The following C4orf54 variants were observed in gnomAD, a reference collection of about 807,000 sequenced individuals.
The protein encoded by C4orf54 is uncharacterized protein C4orf54.
C4orf54 carries 67 observed loss-of-function variants against 80.1 expected under a neutral mutation model. The ratio of observed to expected loss-of-function variants is 0.84; its 90% CI spans 0.69 to 1.03. The LOEUF (loss-of-function observed/expected upper bound fraction) is 1.03. Ranked by LOEUF, C4orf54 falls within the 50% of genes least tolerant of loss-of-function variation. The pLI is 0.00. For missense variants in C4orf54, 2,434 were observed against 2,253.5 expected (o/e 1.08, Z -1.62); for synonymous variants, 1,000 against 917.0 (o/e 1.09, Z -1.64).
chr4:99,646,469 C>T (rs1726702962), intron 2 of C4orf54, among the ~76,000 whole-genome samples: 1 of 152,174 alleles, frequency 6.6e-6, no homozygotes. Flanking sequence ...TCCCAGGTGT[C>T]CTTGCTGCCA....
chr4:99,649,748 C>G lies in C4orf54; in HGVS notation c.4901G>C (p.Arg1634Thr). The change falls in exon 2 of 3, where the codon AGA (arginine) becomes ACA (threonine). Residue 1634 changes from arginine to threonine, a missense_variant. Transcript: ENST00000511828. Reference protein sequence around the residue: ...VDTPVQPMTRRLFDPETGQYV... With the variant: ...VDTPVQPMTRTLFDPETGQYV... ...CTGCCCTGTCTCAGGGTCAAACAGT[C>G]TCCGGGTCATGGGCTGTACTGGTGT... 2.0e-6 allele frequency: 3 copies of G among 1,536,202 alleles called. No homozygotes were observed. Among genetic ancestry groups the G allele is most frequent in the Non-Finnish European group, 2.6e-6 (3 of 1,146,912 alleles).
Position 99,653,765 on chromosome 4 carries a change from G to A in C4orf54, c.884C>T (p.Ala295Val), listed in dbSNP as rs2110257341. 1 of 1,536,098 alleles carries A rather than the reference G, an allele frequency of 6.5e-7. No homozygotes were observed. Among genetic ancestry groups the A allele is most frequent in the Non-Finnish European group, 8.7e-7 (1 of 1,146,918 alleles). Residue 295 changes from alanine to valine, a missense_variant, in exon 2 of 3, where the codon GCT becomes GTT. By Grantham distance (64) the Ala-to-Val change is moderately conservative. Coordinates refer to ENST00000511828, the MANE Select transcript of C4orf54 (RefSeq NM_001354435.2). ...TAAGGATGAAGAGGAGGTGGCCAGA[G>A]CCCCTGTGGATGTGGTGGAGTCCTC... ...KMEDSTTSTG[A>V]LATSSSSLGF...
At position 99,637,956 on chromosome 4, in the gene C4orf54, C is replaced by T. The variant is rs566937570; in HGVS notation, c.*3277G>A. On this transcript the variant is annotated 3_prime_UTR_variant, in exon 3 of 3. Transcript: ENST00000511828. ...ATCAATACTGTCCTGTCCTGCAGTCCAAAGTATTATTTCAGGTAACGTGAG... is the reference window on the plus strand; with the variant it reads ...ATCAATACTGTCCTGTCCTGCAGTCTAAAGTATTATTTCAGGTAACGTGAG... 5.9e-5 allele frequency: 9 copies of T among 152,138 alleles called. No homozygotes were observed. In the East Asian group the frequency reaches 1.4e-3, roughly 23 times the overall value. The allele number at this position is 152,138 out of a possible 1,614,324, so 9.4% of individuals were successfully genotyped here.
chr4:99,655,104 T>C (rs1171802153), intron 1 of C4orf54, among the ~76,000 whole-genome samples: 2 of 152,190 alleles, frequency 1.3e-5, no homozygotes, highest in Non-Finnish European at 2.9e-5. Context: ...CAGATGAGTT[T>C]TGGTAGTAAA....
At position 99,651,543 on chromosome 4, in the gene C4orf54, C is replaced by A; in HGVS notation, c.3106G>T (p.Val1036Leu). 3 of 1,536,166 alleles carry A rather than the reference C, an allele frequency of 2.0e-6. No homozygotes were observed. Among genetic ancestry groups the A allele is most frequent in the Non-Finnish European group, 2.6e-6 (3 of 1,146,918 alleles). ...APEIKIRLGS[V>L]QQPSSDFNIA... ...TTGAAGTCTGAGCTCGGCTGCTGCACACTCCCCAGCCGGATCTTGATTTCG... is the reference window on the plus strand; with the variant it reads ...TTGAAGTCTGAGCTCGGCTGCTGCAAACTCCCCAGCCGGATCTTGATTTCG... Residue 1036 changes from valine to leucine, a missense_variant, in exon 2 of 3, where the codon GTG becomes TTG. Val to Leu is a conservative substitution (Grantham distance 32). Coordinates refer to ENST00000511828, the MANE Select transcript of C4orf54 (RefSeq NM_001354435.2).
At chr4:99,648,346 A>T (rs1405945175) in intron 2 of C4orf54, among the ~76,000 whole-genome samples, 1 of 152,142 alleles carries the variant, frequency 6.6e-6, no homozygotes, top group Non-Finnish European at 1.5e-5. Context: ...TCAGGAATCT[A>T]TTTACCCTGA....
In C4orf54 at chr4:99,651,701, T is replaced by C. The variant is rs746392089; in HGVS notation, c.2948A>G (p.Lys983Arg). The C allele has an allele frequency of 7.8e-6, 12 of 1,535,968 alleles. No individual in the cohort carries two copies. The Admixed American group carries it at 7.8e-5, about 10-fold the overall frequency. ...RADLGEISAS[K>R]NTIMSRLFVP... The stretch of plus-strand genomic sequence containing the variant: ...AAAGAGGCGAGACATGATGGTGTTC[T>C]TGCTGGCAGAAATCTCCCCGAGATC... The change falls in exon 2 of 3, where the codon AAG becomes AGG. Residue 983 changes from lysine to arginine, a missense_variant. Lys to Arg is a conservative substitution (Grantham distance 26, BLOSUM62 2). Transcript: ENST00000511828.
At position 99,640,990 on chromosome 4, in the gene C4orf54, A is replaced by G. The variant is rs1054102101; in HGVS notation, c.*243T>C. 20 of 152,290 alleles carry G rather than the reference A, an allele frequency of 1.3e-4. No homozygotes were observed. The highest frequency in any genetic ancestry group is 4.6e-4 in the African/African-American group (19 of 41,572). The allele number at this position is 152,290 out of a possible 1,614,324, so 9.4% of individuals were successfully genotyped here. On this transcript the variant is annotated 3_prime_UTR_variant, in exon 3 of 3. Coordinates refer to ENST00000511828, the MANE Select transcript of C4orf54 (RefSeq NM_001354435.2). ...AATAGTCATAAAGGGAAAAAATGCAACCATTCAATCAACTTAATAAAATTA... is the reference window on the plus strand; with the variant it reads ...AATAGTCATAAAGGGAAAAAATGCAGCCATTCAATCAACTTAATAAAATTA...
intron 2 of C4orf54, among the ~76,000 whole-genome samples, chr4:99,644,613 A>C (rs1464529805): frequency 6.6e-6 from 1 of 152,108 alleles, no homozygotes; most frequent in Non-Finnish European, 1.5e-5. Flanking sequence ...GCCTGCATGC[A>C]CCGGAGCAGC....
intron 1 of C4orf54, among the ~76,000 whole-genome samples, chr4:99,656,365 T>G (rs1726978043): frequency 2.0e-5 from 3 of 151,932 alleles, no homozygotes; most frequent in Non-Finnish European, 4.4e-5. Context: ...ATGCAACCTC[T>G]GCCTCTCGGG....
Position 99,650,387 on chromosome 4 carries a change from G to A in C4orf54, c.4262C>T (p.Pro1421Leu), listed in dbSNP as rs549982534. 8.5e-6 allele frequency: 13 copies of A among 1,535,946 alleles called. No individual in the cohort carries two copies. The highest frequency in any genetic ancestry group is 2.4e-5 in the South Asian group (2 of 84,064). ...VAGKFPQGPS[P>L]ESPSAAKGIK... ...GCCCTTAGCTGCTGAAGGACTCTCC[G>A]GAGAAGGCCCTTGTGGGAACTTGCC... The change falls in exon 2 of 3, where the codon CCG (proline) becomes CTG (leucine). Residue 1421 changes from proline to leucine, a missense_variant. Pro to Leu is a moderately conservative substitution (Grantham distance 98, BLOSUM62 -3). Coordinates refer to ENST00000511828, the MANE Select transcript of C4orf54 (RefSeq NM_001354435.2).
chr4:99,649,943 A>G lies in C4orf54; in HGVS notation c.4706T>C (p.Leu1569Pro). Reference sequence around the variant, plus strand: ...GAGGACCTGAGGCTGGGCCCCCTGTAGGGTGAAGGGCAGCGGCGGCTGGTG... The same window carrying G: ...GAGGACCTGAGGCTGGGCCCCCTGTGGGGTGAAGGGCAGCGGCGGCTGGTG... ...IYHQPPLPFT[L>P]QGAQPQVLCF... Residue 1569 changes from leucine to proline, a missense_variant, in exon 2 of 3, where the codon CTA becomes CCA. By Grantham distance (98) the Leu-to-Pro change is moderately conservative. Transcript: ENST00000511828. 2.0e-6 allele frequency: 3 copies of G among 1,531,120 alleles called. No homozygotes were observed. Among genetic ancestry groups the G allele is most frequent in the Non-Finnish European group, 2.6e-6 (3 of 1,143,968 alleles). The allele number at this position is 1,531,120 out of a possible 1,614,324, so 94.8% of individuals were successfully genotyped here. A position where few individuals can be genotyped will look rare whatever the true frequency, so the allele number is the denominator to read the frequency against.
Position 99,652,985 on chromosome 4 carries a change from C to A in C4orf54, c.1664G>T (p.Arg555Leu). 1 of 1,536,160 alleles carries A rather than the reference C, an allele frequency of 6.5e-7. No homozygotes were observed. Among genetic ancestry groups the A allele is most frequent in the Non-Finnish European group, 8.7e-7 (1 of 1,146,920 alleles). The change falls in exon 2 of 3, where the codon CGC (arginine) becomes CTC (leucine). Residue 555 changes from arginine (R) to leucine (L), a missense_variant. Coordinates refer to ENST00000511828, the MANE Select transcript of C4orf54 (RefSeq NM_001354435.2). ...AAKHEGDMSL[R>L]VSTAAEHNSS... Reference sequence around the variant, plus strand: ...ATTGTGTTCAGCAGCTGTAGAGACGCGGAGGCTCATGTCGCCTTCATGCTT... The same window carrying A: ...ATTGTGTTCAGCAGCTGTAGAGACGAGGAGGCTCATGTCGCCTTCATGCTT...
In C4orf54 at chr4:99,652,858, G is replaced by T; in HGVS notation, c.1791C>A (p.Ile597=). The change falls in exon 2 of 3, where the codon ATC becomes ATA. Residue 597 remains isoleucine (I), a synonymous_variant. Transcript: ENST00000511828. The stretch of plus-strand genomic sequence containing the variant: ...AGTAGTCCACCAGCTCCTTCGCCCG[G>T]ATGGCCCCGCACCTGGTTTGCAGGC... ...PARLQTRCGA[I]RAKELVDYSS... 1 of 1,536,094 alleles carries T rather than the reference G, an allele frequency of 6.5e-7. No homozygotes were observed. Among genetic ancestry groups the T allele is most frequent in the Non-Finnish European group, 8.7e-7 (1 of 1,146,894 alleles).
In C4orf54 at chr4:99,650,887, C is replaced by T; in HGVS notation, c.3762G>A (p.Leu1254=). Residue 1254 remains leucine, a synonymous_variant, in exon 2 of 3, where the codon CTG becomes CTA. Coordinates refer to ENST00000511828, the MANE Select transcript of C4orf54 (RefSeq NM_001354435.2). ...ACCTCACGGCTGCAGTCAGCTTCTC[C>T]AGGGCATTCCGGGCTGGCTTCGTGG... is the stretch of plus-strand genomic sequence containing the variant. The part of the protein sequence containing the change: ...GKATKPARNA[L]EKLTAAVRSM... 5 of 1,536,202 alleles carry T rather than the reference C, an allele frequency of 3.3e-6. No individual in the cohort carries two copies. Among genetic ancestry groups the T allele is most frequent in the Non-Finnish European group, 4.4e-6 (5 of 1,146,920 alleles).
rs1169458550 is a variant in C4orf54 at position 99,652,657 on chromosome 4, G to A, written c.1992C>T (p.Phe664=). 1 of 1,536,068 alleles carries A rather than the reference G, an allele frequency of 6.5e-7. No individual in the cohort carries two copies. Among genetic ancestry groups the A allele is most frequent in the Admixed American group, 2.0e-5 (1 of 50,988 alleles). The change falls in exon 2 of 3, where the codon TTC becomes TTT. Residue 664 remains phenylalanine (F), a synonymous_variant. Transcript: ENST00000511828. ...CAACACCCCCACATTTTAAGTCCAG[G>A]AAAGTTGACCAGCGCCCAAAGCCCA... ...SEVGFGRWST[F]LDLKCGGVGA...
In C4orf54 at chr4:99,649,393, G is replaced by T; in HGVS notation, c.5256C>A (p.Ala1752=). The T allele has an allele frequency of 1.3e-6, 2 of 1,536,166 alleles. No homozygotes were observed. Among genetic ancestry groups the T allele is most frequent in the Non-Finnish European group, 1.7e-6 (2 of 1,146,920 alleles). The change falls in exon 2 of 3, where the codon GCC becomes GCA. Residue 1752 remains alanine (A), a synonymous_variant. Transcript: ENST00000511828. ...APAATSQLLG[A]KAFAQLHGKP... ...TGCCATGCAGCTGGGCAAAGGCCTT[G>T]GCCCCTAGGAGCTGGGATGTGGCTG...
In C4orf54 at chr4:99,654,314, G is replaced by T; in HGVS notation, c.335C>A (p.Ala112Glu). ...PVQIRGTLLR[A>E]TLQPLRGQRR... ...CTGGCCCCGGAGGGGCTGCAGAGTT[G>T]CCCGAAGCAGGGTCCCACGTATCTG... The change falls in exon 2 of 3, where the codon GCA becomes GAA. Residue 112 changes from alanine to glutamate, a missense_variant. Ala to Glu is a moderately radical substitution (Grantham distance 107, BLOSUM62 -1). Coordinates refer to ENST00000511828, the MANE Select transcript of C4orf54 (RefSeq NM_001354435.2). 2.0e-6 allele frequency: 3 copies of T among 1,509,082 alleles called. No homozygotes were observed. Among genetic ancestry groups the T allele is most frequent in the Non-Finnish European group, 2.7e-6 (3 of 1,122,308 alleles). 93.5% of individuals were successfully genotyped at this position (1,509,082 alleles called of 1,614,324 possible).
Position 99,651,323 on chromosome 4 carries a change from C to T in C4orf54, c.3326G>A (p.Arg1109Lys). ...ATCCCCTGACCCTTTAATTAGTTTC[C>T]TGACATCTCTCACCTGGTGGAGGGG... Reference protein sequence around the residue: ...QGPLHQVRDVRKLIKGSGDSS... With the variant: ...QGPLHQVRDVKKLIKGSGDSS... Residue 1109 changes from arginine to lysine, a missense_variant, in exon 2 of 3, where the codon AGG (arginine) becomes AAG (lysine). Arg to Lys is a conservative substitution (Grantham distance 26). Coordinates refer to ENST00000511828, the MANE Select transcript of C4orf54 (RefSeq NM_001354435.2). 6.5e-7 allele frequency: 1 copy of T among 1,536,160 alleles called. No individual in the cohort carries two copies. Among genetic ancestry groups the T allele is most frequent in the Non-Finnish European group, 8.7e-7 (1 of 1,146,924 alleles).
Sources: gnomAD v4.1 joint callset for allele counts (sites outside exome capture counted in the v4.1 genomes callset) on GRCh38, gnomAD v4.1.1 for gene constraint, MANE v1.5 for transcripts, NCBI Gene and HGNC (gene_info 2026-07-23, HGNC 2026-07-21) for gene names.